The following BTRC variants were observed in gnomAD, a reference collection of about 807,000 sequenced individuals.
The protein encoded by BTRC is F-box/WD repeat-containing protein 1A.
Under a neutral mutation model 85.5 loss-of-function variants are expected in BTRC, and 42 were observed. The ratio of observed to expected loss-of-function variants is 0.49; its 90% CI spans 0.38 to 0.64. BTRC has a LOEUF of 0.64. BTRC is among the 30% of genes least tolerant of loss of function. The pLI, the probability that BTRC is intolerant of heterozygous loss-of-function variation, is 0.00. For missense variants in BTRC, 594 were observed against 743.5 expected (o/e 0.80, Z 2.34); for synonymous variants, 255 against 263.3 (o/e 0.97, Z 0.30).
chr10:101,392,819 C>T (rs546398520), intron 1 of BTRC, among the ~76,000 whole-genome samples: 25 of 152,234 alleles, frequency 1.6e-4, no homozygotes, highest in African/African-American at 6.0e-4. Flanking sequence ...CTTCCGCACC[C>T]GACCAATTAA....
rs762652665 is a variant in BTRC at position 101,462,076 on chromosome 10, AC to A, written c.234+19del. The A allele has an allele frequency of 6.3e-7, 1 of 1,577,552 alleles. No homozygotes were observed. Among genetic ancestry groups the A allele is most frequent in the East Asian group, 2.3e-5 (1 of 44,304 alleles). Reference sequence around the variant, plus strand: ...TTAGACAGGTATGAAATTCAGCCTTACTTAAAATAAAAAGCTACCAACAGCA... The same window carrying A: ...TTAGACAGGTATGAAATTCAGCCTTATTAAAATAAAAAGCTACCAACAGCA... On this transcript the variant is annotated intron_variant, in intron 3 of 14. Transcript: ENST00000370187.
chr10:101,478,054 C>T (rs181167539), intron 3 of BTRC, among the ~76,000 whole-genome samples: 150 of 152,192 alleles, frequency 9.9e-4, no homozygotes, highest in Admixed American at 1.8e-3. Context: ...AATCCCAGCA[C>T]TTTGGGAGGC....
rs757557012 is a variant in BTRC at position 101,550,816 on chromosome 10, C to G, written c.1774C>G (p.Pro592Ala). The change falls in exon 14 of 15, where the codon CCC becomes GCC. Residue 592 changes from proline (P) to alanine (A), a missense_variant. By Grantham distance (27) the Pro-to-Ala change is conservative (BLOSUM62 -1). Around this residue, in one of 4 missense-constraint regions of BTRC, gnomAD observed 56 missense variants for 39.6 expected, o/e 1.41. Coordinates refer to ENST00000370187, the MANE Select transcript of BTRC (RefSeq NM_033637.4). ...FLNDPAAQAE[P>A]PRSPSRTYTY... ...AAATGATCCAGCTGCCCAAGCTGAA[C>G]CCCCCCGTTCCCCTTCTCGAACATA... The G allele has an allele frequency of 6.8e-6, 11 of 1,613,448 alleles. No individual in the cohort carries two copies. The highest frequency in any genetic ancestry group is 9.3e-6 in the Non-Finnish European group (11 of 1,179,572).
chr10:101,497,442 T>C (rs1377679673), intron 4 of BTRC, among the ~76,000 whole-genome samples: 1 of 152,212 alleles, frequency 6.6e-6, no homozygotes, highest in Admixed American at 6.5e-5. Flanking sequence ...AGTTTATGCC[T>C]GTAATCCTGG....
intron 3 of BTRC, among the ~76,000 whole-genome samples, chr10:101,477,399 A>G (rs550147086): frequency 7.7e-4 from 117 of 152,318 alleles, no homozygotes; most frequent in Non-Finnish European, 1.3e-3. Context: ...TTAAGACTAA[A>G]AGGAAACATT....
chr10:101,367,035 TATATATAA>T lies in BTRC; in HGVS notation c.48+12815_48+12822del, dbSNP rs1478715546. On this transcript the variant is annotated intron_variant, in intron 1 of 14. Transcript: ENST00000370187. ...ATATATATTTATATTTATATATTTATATATATAAATATATATATATATAAATATAAATA... is the reference window on the plus strand; with the variant it reads ...ATATATATTTATATTTATATATTTATATATATATATATATAAATATAAATA... Among the ~76,000 whole-genome samples, 14 of 64,130 alleles carry T rather than the reference TATATATAA, an allele frequency of 2.2e-4. 1 individual carries two copies. The highest frequency in any genetic ancestry group is 7.1e-4 in the African/African-American group (14 of 19,646). The allele number at this position is 64,130 out of a possible 152,430, so 42.1% of individuals were successfully genotyped here.
intron 1 of BTRC, among the ~76,000 whole-genome samples, chr10:101,406,698 T>C (rs1943635047): frequency 6.6e-6 from 1 of 151,862 alleles, no homozygotes; most frequent in Admixed American, 6.6e-5. Context: ...CACAGCTAGC[T>C]AATTTTTGTG....
At chr10:101,399,636 A>G (rs1316033892) in intron 1 of BTRC, among the ~76,000 whole-genome samples, 1 of 152,184 alleles carries the variant, frequency 6.6e-6, no homozygotes, top group Non-Finnish European at 1.5e-5. Context: ...ACAGATTTTA[A>G]TAGATTTGCA....
chr10:101,354,079 G>C (rs41317282), upstream of BTRC: 70 of 1,365,364 alleles, frequency 5.1e-5, no homozygotes, highest in Non-Finnish European at 6.2e-5. Flanking sequence ...AAGAGAGGGC[G>C]GGGGGAAGGA....
At chr10:101,465,651 C>T (rs1182679418) in intron 3 of BTRC, among the ~76,000 whole-genome samples, 1 of 152,172 alleles carries the variant, frequency 6.6e-6, no homozygotes, top group Non-Finnish European at 1.5e-5. Flanking sequence ...GGAAAGAACA[C>T]TCCTTGACTT....
rs373758011 is a variant in BTRC at position 101,400,006 on chromosome 10, A to G, written c.49-30339A>G. ...ACCTCAGTAATAACCATACCATCACAAAAGAAGGCCTCACAATGTATCAGG... is the reference window on the plus strand; with the variant it reads ...ACCTCAGTAATAACCATACCATCACGAAAGAAGGCCTCACAATGTATCAGG... On this transcript the variant is annotated intron_variant, in intron 1 of 14. Coordinates refer to ENST00000370187, the MANE Select transcript of BTRC (RefSeq NM_033637.4). Among the ~76,000 whole-genome samples, 5 of 152,220 alleles carry G rather than the reference A, an allele frequency of 3.3e-5. No individual in the cohort carries two copies. In the South Asian group the frequency reaches 6.2e-4, roughly 19 times the overall value.
intron 3 of BTRC, among the ~76,000 whole-genome samples, chr10:101,466,578 T>C (rs1945378765): frequency 1.3e-5 from 2 of 152,176 alleles, no homozygotes; most frequent in Admixed American, 1.3e-4. Flanking sequence ...AATTCAAGCT[T>C]CCATCCTCTT....
intron 1 of BTRC, among the ~76,000 whole-genome samples, chr10:101,424,524 G>T (rs1944197382): frequency 6.6e-6 from 1 of 152,144 alleles, no homozygotes; most frequent in African/African-American, 2.4e-5. Flanking sequence ...TTTTATTGTT[G>T]ATTATTATAG....
intron 2 of BTRC, among the ~76,000 whole-genome samples, chr10:101,437,581 G>A (rs973632603): frequency 6.6e-6 from 1 of 152,206 alleles, no homozygotes; most frequent in Non-Finnish European, 1.5e-5. Context: ...CCGTTTCAGT[G>A]ATACTAGTAA....
intron 4 of BTRC, among the ~76,000 whole-genome samples, chr10:101,502,040 T>C (rs1166572604): frequency 6.6e-6 from 1 of 152,172 alleles, no homozygotes; most frequent in African/African-American, 2.4e-5. Flanking sequence ...GGTGCCCATG[T>C]AGGGGACATA....
At chr10:101,532,702 C>T (rs1365817581) in intron 8 of BTRC, among the ~76,000 whole-genome samples, 2 of 151,676 alleles carry the variant, frequency 1.3e-5, no homozygotes, top group Admixed American at 6.6e-5. Flanking sequence ...ATAGACTACC[C>T]TGTTCCTTAA....
Position 101,508,310 on chromosome 10 carries a change from G to A in BTRC, c.325-13329G>A, listed in dbSNP as rs554172115. On this transcript the variant is annotated intron_variant, in intron 4 of 14. Transcript: ENST00000370187. Reference sequence around the variant, plus strand: ...GAATGACTGCAAGCTTTTTCTTGTTGGTTATTAGAAATCATTCAGATTCAT... The same window carrying A: ...GAATGACTGCAAGCTTTTTCTTGTTAGTTATTAGAAATCATTCAGATTCAT... Among the ~76,000 whole-genome samples the A allele has an allele frequency of 2.0e-5, 3 of 152,118 alleles. No individual in the cohort carries two copies. The South Asian group carries it at 6.3e-4, about 32-fold the overall frequency.
At chr10:101,445,095 A>G (rs1265122375) in intron 2 of BTRC, among the ~76,000 whole-genome samples, 3 of 152,166 alleles carry the variant, frequency 2.0e-5, no homozygotes, top group Admixed American at 6.5e-5. Flanking sequence ...AGATACGACT[A>G]TATATTTTCA....
At chr10:101,488,387 CT>C in intron 4 of BTRC, among the ~76,000 whole-genome samples, 1 of 152,094 alleles carries the variant, frequency 6.6e-6, no homozygotes. Context: ...TAATTGAGAA[CT>C]GAATATCAAT....
Sources: allele counts gnomAD v4.1 joint callset (sites outside exome capture counted in the v4.1 genomes callset), GRCh38; gene constraint gnomAD v4.1.1; regional missense constraint gnomAD v4.1.1; transcripts MANE v1.5; gene names NCBI Gene and HGNC (gene_info 2026-07-23, HGNC 2026-07-21).